Variants in SCFD1 observed in about 807,000 individuals in gnomAD.
SCFD1 encodes sec1 family domain containing 1, also known as sec1 family domain-containing protein 1.
A neutral mutation model predicts 103.2 loss-of-function variants in SCFD1; 37 were observed. That is an observed-to-expected ratio of 0.36 (90% CI 0.28 to 0.47). The LOEUF (loss-of-function observed/expected upper bound fraction) is 0.47, where lower values mean the gene tolerates loss of function less well. SCFD1 is among the 20% of genes least tolerant of loss of function. The probability of loss-of-function intolerance (pLI) is 1.00; values close to 1 mark genes in which losing one functional copy is unlikely to be tolerated. For missense variants in SCFD1, 639 were observed against 761.2 expected, an observed-to-expected ratio of 0.84 and a Z score of 1.89; for synonymous variants, 264 against 245.0, an observed-to-expected ratio of 1.08 and a Z score of -0.73.
intron 10 of SCFD1, among the ~76,000 whole-genome samples, chr14:30,660,052 G>A (rs1219866880): frequency 2.0e-5 from 3 of 152,086 alleles, no homozygotes; most frequent in African/African-American, 7.2e-5. Context: ...ATTTCCTGGT[G>A]ATATACCCGC....
chr14:30,722,031 G>A (rs1892685103), intron 22 of SCFD1, 114 bp downstream of exon 22: 1 of 687,560 alleles, frequency 1.5e-6, no homozygotes, highest in Non-Finnish European at 2.5e-6. Context: ...TGATAATTTG[G>A]CCTAGCAATT....
chr14:30,674,832 G>A (rs61976717), intron 13 of SCFD1, 152 bp from the exon 14 acceptor site: 5,929 of 457,748 alleles, frequency 0.013, 65 homozygotes, highest in Non-Finnish European at 0.012. Flanking sequence ...AGGTGTTCAA[G>A]TCTAGAGATT....
At chr14:30,730,869 T>C (rs536039818) in intron 23 of SCFD1, among the ~76,000 whole-genome samples, 1 of 152,324 alleles carries the variant, frequency 6.6e-6, no homozygotes, top group South Asian at 2.1e-4. Flanking sequence ...ATCCCATTTG[T>C]CAATTTTGGC....
At chr14:30,639,097 G>A (rs975911536) in intron 5 of SCFD1, among the ~76,000 whole-genome samples, 2 of 152,132 alleles carry the variant, frequency 1.3e-5, no homozygotes, top group Middle Eastern at 3.4e-3. Flanking sequence ...ACAGTGTCTC[G>A]CTCGCCCAGG....
rs1566674326 is a variant in SCFD1, at chr14:30,734,858, G to GGTAAA, written c.1905+4_1905+8dup. 1.9e-6 allele frequency: 3 copies of GGTAAA among 1,604,674 alleles called. No individual in the cohort carries two copies. The Admixed American group carries it at 5.0e-5, about 27-fold the overall frequency. The stretch of plus-strand genomic sequence containing the variant: ...TTAATGCTACACAGTTCATAAAACA[G>GGTAAA]GTAAAGTATACATTTGTTGTTTGTT... On this transcript the variant is annotated frameshift_variant and splice_region_variant. Coordinates refer to ENST00000458591, the MANE Select transcript of SCFD1 (RefSeq NM_016106.4). LOFTEE classifies it high-confidence loss of function.
chr14:30,696,428 A>G (rs1160962765), intron 15 of SCFD1, among the ~76,000 whole-genome samples: 4 of 152,240 alleles, frequency 2.6e-5, no homozygotes, highest in African/African-American at 9.6e-5. Context: ...AAAGGCAATC[A>G]GTCCTGCTTT....
chr14:30,653,703 C>T, intron 10 of SCFD1, 115 bp downstream of exon 10: 3 of 645,890 alleles, frequency 4.6e-6, no homozygotes, highest in Non-Finnish European at 7.9e-6. Context: ...GGAACTGAGA[C>T]CTATGAACAA....
intron 6 of SCFD1, among the ~76,000 whole-genome samples, chr14:30,640,372 T>C (rs550992126): frequency 6.6e-6 from 1 of 152,326 alleles, no homozygotes; most frequent in East Asian, 1.9e-4. Flanking sequence ...TGAGAGATTT[T>C]TGACAACGGT....
intron 14 of SCFD1, among the ~76,000 whole-genome samples, chr14:30,681,978 T>G (rs1889523429): frequency 6.6e-6 from 1 of 152,194 alleles, no homozygotes; most frequent in African/African-American, 2.4e-5. Context: ...TATGTCCTGT[T>G]CTTAAACTAA....
At chr14:30,653,322 G>T (rs1886580217) in intron 9 of SCFD1, among the ~76,000 whole-genome samples, 167 bp from the exon 10 acceptor site, 1 of 152,186 alleles carries the variant, frequency 6.6e-6, no homozygotes, top group African/African-American at 2.4e-5. Context: ...AAGTATTGTG[G>T]TGCTTGCTTC....
intron 3 of SCFD1, among the ~76,000 whole-genome samples, chr14:30,631,814 G>C (rs1239875818): frequency 6.6e-6 from 1 of 152,112 alleles, no homozygotes; most frequent in African/African-American, 2.4e-5. Flanking sequence ...TGGAGGCCCG[G>C]GTGGGCGGAT....
chr14:30,732,143 C>T (rs1420414039), intron 23 of SCFD1, among the ~76,000 whole-genome samples: 1 of 152,156 alleles, frequency 6.6e-6, no homozygotes, highest in South Asian at 2.1e-4. Flanking sequence ...GCATAAAAAT[C>T]CAACCGATTT....
At chr14:30,705,144 T>C (rs1891381259) in intron 17 of SCFD1, among the ~76,000 whole-genome samples, 1 of 152,150 alleles carries the variant, frequency 6.6e-6, no homozygotes, top group Admixed American at 6.5e-5. Context: ...AAGTGTAAAA[T>C]CTGTGGTATA....
intron 19 of SCFD1, among the ~76,000 whole-genome samples, chr14:30,711,498 T>C (rs74691981): frequency 0.022 from 3,366 of 152,112 alleles, 130 homozygotes; most frequent in African/African-American, 0.077. Flanking sequence ...CTTGGGAGGC[T>C]GAGGTGGGAG....
intron 10 of SCFD1, chr14:30,658,135 A>G (rs1176571011): frequency 4.4e-6 from 2 of 453,366 alleles, no homozygotes; most frequent in South Asian, 3.1e-5. Context: ...AGTCAAAGGG[A>G]TGGACATTAT....
intron 18 of SCFD1, 37 bp from the exon 19 acceptor site, chr14:30,707,953 G>A: frequency 7.2e-7 from 1 of 1,395,440 alleles, no homozygotes. Context: ...GAGGCACTTT[G>A]TACTTAGAAT....
At chr14:30,634,131 A>T in intron 4 of SCFD1, 94 bp downstream of exon 4, 1 of 660,356 alleles carries the variant, frequency 1.5e-6, no homozygotes, top group East Asian at 2.8e-5. Context: ...AAAATCAGAA[A>T]TTCCTATGCC....
chr14:30,631,800 C>T (rs1046228033), intron 3 of SCFD1, among the ~76,000 whole-genome samples: 1 of 152,050 alleles, frequency 6.6e-6, no homozygotes, highest in African/African-American at 2.4e-5. Flanking sequence ...AATCCTAGCA[C>T]TTCTGGAGGC....
At chr14:30,662,874 T>TA (rs1014463427) in intron 10 of SCFD1, among the ~76,000 whole-genome samples, 1 of 152,174 alleles carries the variant, frequency 6.6e-6, no homozygotes, top group Non-Finnish European at 1.5e-5. Context: ...GGGATCTATT[T>TA]ATATGTAGTG....
Sources: gnomAD v4.1 joint callset for allele counts (sites outside exome capture counted in the v4.1 genomes callset) on GRCh38, gnomAD v4.1.1 for gene constraint, MANE v1.5 for transcripts, NCBI Gene and HGNC (gene_info 2026-07-23, HGNC 2026-07-21) for gene names.